CACNB2: variants seen among roughly 807,000 people sequenced by gnomAD.
The protein encoded by CACNB2 is calcium voltage-gated channel auxiliary subunit beta 2, also known as voltage-dependent L-type calcium channel subunit beta-2.
A neutral mutation model predicts 73.3 loss-of-function variants in CACNB2; 42 were observed. The observed-to-expected ratio is 0.57, with a 90% confidence interval of 0.45 to 0.74. CACNB2 has a LOEUF of 0.74. Ranked by LOEUF, CACNB2 falls within the 30% of genes least tolerant of loss-of-function variation. CACNB2 has a pLI of 0.00. For synonymous variants in CACNB2, 348 were observed against 310.3 expected (o/e 1.12, Z -1.28); for missense variants, 940 against 853.0 (o/e 1.10, Z -1.27).
At chr10:18,256,311 A>G (rs1450519647) in intron 2 of CACNB2, among the ~76,000 whole-genome samples, 3 of 152,252 alleles carry the variant, frequency 2.0e-5, no homozygotes, top group African/African-American at 7.2e-5. Flanking sequence ...CAAGTATACA[A>G]GCTCAAAAGC....
chr10:18,151,269 GA>G (rs2031531383), intron 2 of CACNB2: 2 of 290,088 alleles, frequency 6.9e-6, no homozygotes, highest in African/African-American at 2.3e-5. Flanking sequence ...GATTTGGGGG[GA>G]TTGTTTTTTT....
chr10:18,364,544 C>T (rs2042273037), intron 2 of CACNB2, among the ~76,000 whole-genome samples: 1 of 152,130 alleles, frequency 6.6e-6, no homozygotes, highest in African/African-American at 2.4e-5. Context: ...AAGTGATCCA[C>T]CCACCTTGGC....
rs529925527 is a variant in CACNB2, at chr10:18,475,174, G to A, written c.334-23181G>A. Among the ~76,000 whole-genome samples the A allele has an allele frequency of 5.3e-5, 8 of 151,780 alleles. No homozygotes were observed. The South Asian group carries it at 1.3e-3, about 24-fold the overall frequency. ...TCTAGGTACGCCACCCTTCCAGCAC[G>A]GCCCTGGGGTCACACACCTGGAAGC... On this transcript the variant is annotated intron_variant, in intron 3 of 13. Coordinates refer to ENST00000324631, the MANE Select transcript of CACNB2 (RefSeq NM_201596.3).
chr10:18,190,270 T>C (rs1383569091), intron 2 of CACNB2, among the ~76,000 whole-genome samples: 1 of 151,898 alleles, frequency 6.6e-6, no homozygotes, highest in Non-Finnish European at 1.5e-5. Flanking sequence ...ATAACGTAGG[T>C]TTTCTCAGAT....
At chr10:18,346,420 G>T (rs1427002348) in intron 2 of CACNB2, among the ~76,000 whole-genome samples, 1 of 152,106 alleles carries the variant, frequency 6.6e-6, no homozygotes, top group African/African-American at 2.4e-5. Flanking sequence ...TTACGGGCGT[G>T]AGCCACTGCA....
chr10:18,269,034 C>A (rs1305147099), intron 2 of CACNB2, among the ~76,000 whole-genome samples: 1 of 152,100 alleles, frequency 6.6e-6, no homozygotes, highest in Non-Finnish European at 1.5e-5. Context: ...AGGTGCTTAA[C>A]TGTGGGTTAG....
chr10:18,425,633 A>C (rs58687765), intron 3 of CACNB2, among the ~76,000 whole-genome samples: 3,032 of 152,254 alleles, frequency 0.02, 112 homozygotes, highest in African/African-American at 0.068. Context: ...GGACCACTGC[A>C]CTCCAGCCTA....
At chr10:18,385,656 AAAAAAT>A (rs985030533) in intron 2 of CACNB2, among the ~76,000 whole-genome samples, 24 of 151,916 alleles carry the variant, frequency 1.6e-4, no homozygotes, top group African/African-American at 5.8e-4. Flanking sequence ...AAAAAAAAAA[AAAAAAT>A]TTATTCAAAT....
chr10:18,513,201 G>A (rs778736548), intron 6 of CACNB2: 9 of 143,480 alleles, frequency 6.3e-5, no homozygotes, highest in East Asian at 2.2e-4. Flanking sequence ...TCCAATTTTC[G>A]TCCCACGTCA....
At chr10:18,486,954 G>GCT (rs1038867176) in intron 3 of CACNB2, among the ~76,000 whole-genome samples, 205 of 151,806 alleles carry the variant, frequency 1.4e-3, no homozygotes, top group African/African-American at 4.8e-3. Context: ...AAAGAGAATA[G>GCT]CTCTCTCTCT....
At chr10:18,274,560 G>T (rs896474020) in intron 2 of CACNB2, among the ~76,000 whole-genome samples, 1 of 152,092 alleles carries the variant, frequency 6.6e-6, no homozygotes, top group Non-Finnish European at 1.5e-5. Flanking sequence ...TCTATGTCAC[G>T]ACCTCTCTTC....
At chr10:18,170,633 GTTGTGTGT>G (rs1300509176) in intron 2 of CACNB2, among the ~76,000 whole-genome samples, 1 of 152,182 alleles carries the variant, frequency 6.6e-6, no homozygotes, top group Non-Finnish European at 1.5e-5. Context: ...ATGTTGGTGG[GTTGTGTGT>G]TTGTGTGTTG....
In CACNB2 at chr10:18,348,750, G is replaced by A. The variant is rs1044356477; in HGVS notation, c.214-53174G>A. Among the ~76,000 whole-genome samples the A allele has an allele frequency of 3.3e-5, 5 of 152,056 alleles. No individual in the cohort carries two copies. The East Asian group carries it at 7.7e-4, about 24-fold the overall frequency. Reference sequence around the variant, plus strand: ...ACTCCTGACCTCAGGTGATCCACCCGCCTTGGCCTCTCAAAATGCTGAGAT... The same window carrying A: ...ACTCCTGACCTCAGGTGATCCACCCACCTTGGCCTCTCAAAATGCTGAGAT... On this transcript the variant is annotated intron_variant, in intron 2 of 13. Transcript: ENST00000324631.
chr10:18,289,360 T>A (rs2038961981), intron 2 of CACNB2, among the ~76,000 whole-genome samples: 1 of 146,140 alleles, frequency 6.8e-6, no homozygotes, highest in Non-Finnish European at 1.5e-5. Flanking sequence ...AGTGGCGTGA[T>A]CTCGGCTCAC....
At chr10:18,510,913 C>T (rs2050738971) in intron 6 of CACNB2, among the ~76,000 whole-genome samples, 1 of 152,192 alleles carries the variant, frequency 6.6e-6, no homozygotes, top group Non-Finnish European at 1.5e-5. Flanking sequence ...TCCTTCATAT[C>T]CAGGAAAGCG....
intron 2 of CACNB2, among the ~76,000 whole-genome samples, chr10:18,369,955 AAAT>A: frequency 6.6e-6 from 1 of 152,326 alleles, no homozygotes; most frequent in South Asian, 2.1e-4. Context: ...TCTGTTCAGA[AAAT>A]AATAAGTGAG....
At chr10:18,442,045 T>G (rs2046433234) in intron 3 of CACNB2, among the ~76,000 whole-genome samples, 1 of 152,224 alleles carries the variant, frequency 6.6e-6, no homozygotes, top group Non-Finnish European at 1.5e-5. Flanking sequence ...AGAACTTTCC[T>G]TGATTGAAAA....
intron 3 of CACNB2, among the ~76,000 whole-genome samples, chr10:18,491,026 T>C (rs779667086): frequency 2.4e-4 from 36 of 152,318 alleles, no homozygotes; most frequent in East Asian, 1.9e-4. Flanking sequence ...TGTCAGTTTC[T>C]TATCACAGTG....
chr10:18,158,674 A>G (rs2032232245), intron 2 of CACNB2, among the ~76,000 whole-genome samples: 1 of 152,096 alleles, frequency 6.6e-6, no homozygotes, highest in Non-Finnish European at 1.5e-5. Context: ...TAACTTCATC[A>G]AAAGAAAGGA....
Sources: allele counts gnomAD v4.1 joint callset (sites outside exome capture counted in the v4.1 genomes callset), GRCh38; gene constraint gnomAD v4.1.1; transcripts MANE v1.5; gene names NCBI Gene and HGNC (gene_info 2026-07-23, HGNC 2026-07-21).